The following AGK variants were observed in gnomAD, a reference collection of about 807,000 sequenced individuals.
AGK encodes the protein acylglycerol kinase.
Under a neutral mutation model 66.4 loss-of-function variants are expected in AGK, and 52 were observed. The ratio of observed to expected loss-of-function variants is 0.78; its 90% CI spans 0.63 to 0.99. The LOEUF (loss-of-function observed/expected upper bound fraction) is 0.99. AGK is among the 50% of genes least tolerant of loss of function. The probability of loss-of-function intolerance (pLI) is 0.00; values close to 1 mark genes in which losing one functional copy is unlikely to be tolerated. For synonymous variants in AGK, 182 were observed against 181.1 expected, an observed-to-expected ratio of 1.00 and a Z score of -0.04; for missense variants, 451 against 506.6, an observed-to-expected ratio of 0.89 and a Z score of 1.05.
intron 8 of AGK, among the ~76,000 whole-genome samples, chr7:141,617,966 G>A (rs1214634988): frequency 6.6e-6 from 1 of 152,104 alleles, no homozygotes; most frequent in Non-Finnish European, 1.5e-5. Flanking sequence ...TACTTCCCAA[G>A]TAGCATCTAT....
At chr7:141,581,895 T>G (rs750155115) in intron 2 of AGK, among the ~76,000 whole-genome samples, 8 of 151,972 alleles carry the variant, frequency 5.3e-5, no homozygotes, top group Non-Finnish European at 7.4e-5. Flanking sequence ...TAAGGGGTTT[T>G]GAAGCTTGGC....
At chr7:141,626,347 T>A (rs1449396821) in intron 9 of AGK, among the ~76,000 whole-genome samples, 3 of 152,248 alleles carry the variant, frequency 2.0e-5, no homozygotes, top group African/African-American at 7.2e-5. Context: ...AATCGCCATT[T>A]TTTAAATCAC....
At chr7:141,589,663 C>T (rs1237406674) in intron 2 of AGK, among the ~76,000 whole-genome samples, 3 of 152,038 alleles carry the variant, frequency 2.0e-5, no homozygotes, top group Admixed American at 6.5e-5. Context: ...TGGCTTCAAG[C>T]GATTCTCCTG....
intron 3 of AGK, 156 bp downstream of exon 3, chr7:141,593,341 A>C (rs1562967482): frequency 4.1e-6 from 3 of 731,008 alleles, no homozygotes; most frequent in Non-Finnish European, 7.3e-6. Flanking sequence ...GCCAACTCTG[A>C]GTAGAACTCC....
At chr7:141,593,269 A>G (rs752158296) in intron 3 of AGK, 84 bp downstream of exon 3, 1 of 1,230,900 alleles carries the variant, frequency 8.1e-7, no homozygotes, top group Non-Finnish European at 1.2e-6. Flanking sequence ...GGACTTGCAC[A>G]GTGTCTTGCA....
chr7:141,631,013 G>A (rs1248436967), intron 9 of AGK, among the ~76,000 whole-genome samples: 4 of 152,166 alleles, frequency 2.6e-5, no homozygotes, highest in Non-Finnish European at 2.9e-5. Context: ...CTGAGTGGAT[G>A]AGTGAAAACA....
intron 2 of AGK, among the ~76,000 whole-genome samples, chr7:141,557,223 A>T (rs2116848076): frequency 6.6e-6 from 1 of 152,302 alleles, no homozygotes; most frequent in South Asian, 2.1e-4. Flanking sequence ...CTTTTTTTGC[A>T]GCTGTGGAAA....
Position 141,652,813 on chromosome 7 carries a change from C to T in AGK, c.1158C>T (p.Asp386=), listed in dbSNP as rs1797596506. ...PEGAGGSFSI[D]SEEYEAMPVE... ...GAGCAGGGGGCTCTTTTAGCATTGA[C>T]AGTGAGGAGTATGAAGCGATGCCTG... The change falls in exon 16 of 16, where the codon GAC becomes GAT. Residue 386 remains aspartate, a synonymous_variant. Coordinates refer to ENST00000649286, the MANE Select transcript of AGK (RefSeq NM_018238.4). The T allele has an allele frequency of 1.2e-6, 2 of 1,613,688 alleles. No homozygotes were observed. The highest frequency in any genetic ancestry group is 3.3e-5 in the Admixed American group (2 of 59,998).
chr7:141,573,780 TCTGGAGTAG>T (rs1795667216), intron 2 of AGK, among the ~76,000 whole-genome samples: 1 of 152,208 alleles, frequency 6.6e-6, no homozygotes, highest in African/African-American at 2.4e-5. Context: ...TATTCTTTCT[TCTGGAGTAG>T]CTGTCAGGAG....
chr7:141,578,343 A>C (rs1039485697), intron 2 of AGK, among the ~76,000 whole-genome samples: 12 of 151,842 alleles, frequency 7.9e-5, no homozygotes, highest in Admixed American at 5.9e-4. Flanking sequence ...TTCACAAGGT[A>C]ATGTCATCAG....
intron 11 of AGK, 51 bp from the exon 12 acceptor site, chr7:141,641,197 A>G: frequency 6.5e-7 from 1 of 1,548,850 alleles, no homozygotes. Flanking sequence ...AGAAACTCCC[A>G]GAGTGGAATT....
intron 2 of AGK, among the ~76,000 whole-genome samples, chr7:141,577,649 G>A (rs946295356): frequency 4.6e-5 from 7 of 152,006 alleles, no homozygotes; most frequent in Admixed American, 1.3e-4. Context: ...GAGCAGGAGA[G>A]GCCAGTCTCC....
intron 11 of AGK, among the ~76,000 whole-genome samples, chr7:141,637,263 A>G (rs1210519743): frequency 1.3e-5 from 2 of 152,120 alleles, no homozygotes; most frequent in African/African-American, 4.8e-5. Context: ...TAAGCATTCT[A>G]CTTGCCTTTG....
At chr7:141,616,260 C>G (rs1476723302) in intron 8 of AGK, 2 of 152,168 alleles carry the variant, frequency 1.3e-5, no homozygotes, top group Non-Finnish European at 2.9e-5. Context: ...AAATAGTTGT[C>G]AAGAAGACCC....
At chr7:141,585,905 C>G (rs1795984768) in intron 2 of AGK, among the ~76,000 whole-genome samples, 1 of 152,152 alleles carries the variant, frequency 6.6e-6, no homozygotes, top group African/African-American at 2.4e-5. Context: ...TTTGATATGA[C>G]TACGTTTTGT....
Position 141,590,076 on chromosome 7 carries a change from A to G in AGK, c.102-3070A>G, listed in dbSNP as rs576364874. Among the ~76,000 whole-genome samples the G allele has an allele frequency of 8.5e-5, 13 of 152,336 alleles. No individual in the cohort carries two copies. In the South Asian group the frequency reaches 2.5e-3, roughly 29 times the overall value. On this transcript the variant is annotated intron_variant, in intron 2 of 15. Transcript: ENST00000649286. ...GCTGAAATCTTTAATAATATATTTA[A>G]TCACAAGCTAATAATCAGAATTTTA...
At position 141,560,560 on chromosome 7, in the gene AGK, G is replaced by A. The variant is rs148439210; in HGVS notation, c.101+4993G>A. Among the ~76,000 whole-genome samples the A allele has an allele frequency of 5.9e-5, 9 of 151,934 alleles. No individual in the cohort carries two copies. In the East Asian group the frequency reaches 7.8e-4, roughly 13 times the overall value. The stretch of plus-strand genomic sequence containing the variant: ...TGATTTCTGAGATATTGGTGCACCC[G>A]TTACCCGAGCAGCGTACACTGTACC... On this transcript the variant is annotated intron_variant, in intron 2 of 15. Transcript: ENST00000649286.
At chr7:141,551,644 C>A (rs1795087250) in intron 1 of AGK, among the ~76,000 whole-genome samples, 2 of 152,128 alleles carry the variant, frequency 1.3e-5, no homozygotes, top group African/African-American at 2.4e-5. Context: ...CTGGCCGGCG[C>A]GGCAGGGGAG....
At chr7:141,612,961 A>T (rs913637798) in intron 6 of AGK, among the ~76,000 whole-genome samples, 11 of 152,196 alleles carry the variant, frequency 7.2e-5, no homozygotes, top group African/African-American at 2.2e-4. Flanking sequence ...GTGTTCAGGG[A>T]TCAGAAGCTA....
Sources: allele counts gnomAD v4.1 joint callset (sites outside exome capture counted in the v4.1 genomes callset), GRCh38; gene constraint gnomAD v4.1.1; transcripts MANE v1.5; gene names NCBI Gene and HGNC (gene_info 2026-07-23, HGNC 2026-07-21).